Variants in HYDIN observed in about 807,000 individuals in gnomAD.
HYDIN encodes axonemal central pair apparatus protein HYDIN.
Under a neutral mutation model 403.9 loss-of-function variants are expected in HYDIN, and 132 were observed. The ratio of observed to expected loss-of-function variants is 0.33; its 90% CI spans 0.28 to 0.38. HYDIN has a LOEUF of 0.38. Among genes scored for constraint, HYDIN ranks in the 10% least tolerant of loss-of-function variants. The probability of loss-of-function intolerance (pLI) is 1.00; values close to 1 mark genes in which losing one functional copy is unlikely to be tolerated. For missense variants in HYDIN, 2,827 were observed against 5,009.5 expected (o/e 0.56, Z 13.15); for synonymous variants, 1,202 against 1,891.7 (o/e 0.64, Z 9.46).
chr16:71,206,049 C>T (rs2088280451), intron 1 of HYDIN, among the ~76,000 whole-genome samples: 1 of 152,182 alleles, frequency 6.6e-6, no homozygotes, highest in South Asian at 2.1e-4. Flanking sequence ...TTTGGAAACA[C>T]CCAGACAGTA....
intron 1 of HYDIN, among the ~76,000 whole-genome samples, chr16:71,229,845 C>T (rs59334683): frequency 0.039 from 5,968 of 152,194 alleles, 434 homozygotes; most frequent in African/African-American, 0.14. Flanking sequence ...TTGGCTGTGT[C>T]CCCACCCAAA....
rs1009267195 is a variant in HYDIN, at chr16:71,205,525, A to G, written c.-23-18607T>C. 3.9e-5 allele frequency among the ~76,000 whole-genome samples: 6 copies of G among 152,222 alleles called. No homozygotes were observed. In the South Asian group the frequency reaches 1.0e-3, roughly 26 times the overall value. On this transcript the variant is annotated intron_variant, in intron 1 of 85. Coordinates refer to ENST00000393567, the MANE Select transcript of HYDIN (RefSeq NM_001270974.2). ...ATTCCGAGTCCAAGGGGACCCCCAC[A>G]AGCCTTGGGCCCCAGAGCAGACCAG... is the stretch of plus-strand genomic sequence containing the variant.
chr16:71,193,487 GCT>G (rs1025071291), intron 1 of HYDIN, among the ~76,000 whole-genome samples: 2 of 152,122 alleles, frequency 1.3e-5, no homozygotes, highest in African/African-American at 4.8e-5. Flanking sequence ...TGCCATTAAA[GCT>G]CTGTCTTTAT....
chr16:70,887,357 G>T (rs1346259786), intron 58 of HYDIN, among the ~76,000 whole-genome samples: 1 of 151,894 alleles, frequency 6.6e-6, no homozygotes, highest in East Asian at 1.9e-4. Context: ...AAGGAGATAT[G>T]ACTATGGAGG....
intron 45 of HYDIN, among the ~76,000 whole-genome samples, chr16:70,928,213 A>T (rs1171923897): frequency 1.3e-5 from 2 of 152,238 alleles, no homozygotes; most frequent in African/African-American, 2.4e-5. Context: ...AGAAGAGGGT[A>T]GCACTTTGGG....
At chr16:70,914,147 T>C (rs2076771565) in intron 47 of HYDIN, among the ~76,000 whole-genome samples, 1 of 152,168 alleles carries the variant, frequency 6.6e-6, no homozygotes, top group South Asian at 2.1e-4. Flanking sequence ...TGAGGTACCA[T>C]TCCATTAATT....
intron 22 of HYDIN, among the ~76,000 whole-genome samples, chr16:71,019,526 A>C (rs916330070): frequency 1.3e-5 from 2 of 152,308 alleles, no homozygotes. Flanking sequence ...GGGGCTGGGC[A>C]TAAGTTAGGA....
At chr16:70,922,803 T>C (rs77159302) in intron 45 of HYDIN, among the ~76,000 whole-genome samples, 2 of 151,120 alleles carry the variant, frequency 1.3e-5, no homozygotes, top group Admixed American at 1.3e-4. Context: ...TTTTTTTTTT[T>C]TTTAGACAAG....
Position 71,179,016 on chromosome 16 carries a change from A to G in HYDIN, c.293T>C (p.Phe98Ser), listed in dbSNP as rs1403821146. The change falls in exon 4 of 86, where the codon TTC (phenylalanine) becomes TCC (serine). Residue 98 changes from phenylalanine (F) to serine (S), a missense_variant. Physicochemically the swap from Phe to Ser is radical, Grantham distance 155. Transcript: ENST00000393567. The stretch of plus-strand genomic sequence containing the variant: ...TATAATTTCTGATGGAAAGGGCTGG[A>G]ATAATGCCTGATCCAGGTCAATTCC... ...FSGIDLDQALFQPFPSEIIFQ... is the reference protein window; with the variant it reads ...FSGIDLDQALSQPFPSEIIFQ... The G allele has an allele frequency of 6.2e-7, 1 of 1,612,328 alleles. No homozygotes were observed. The highest frequency in any genetic ancestry group is 2.2e-5 in the East Asian group (1 of 44,820).
Position 71,175,682 on chromosome 16 carries a change from G to C in HYDIN, c.441C>G (p.Pro147=). 1.2e-6 allele frequency: 2 copies of C among 1,614,082 alleles called. No individual in the cohort carries two copies. Among genetic ancestry groups the C allele is most frequent in the Non-Finnish European group, 1.7e-6 (2 of 1,179,924 alleles). ...ESSPYFKVIS[P]KDIGHKVAPG... is the part of the protein sequence containing the mutation. ...GAGCCACTTTGTGGCCAATATCTTTGGGGCTGATTACTTTAAAGTAAGGCG... is the reference window on the plus strand; with the variant it reads ...GAGCCACTTTGTGGCCAATATCTTTCGGGCTGATTACTTTAAAGTAAGGCG... Residue 147 remains proline, a synonymous_variant, in exon 5 of 86, where the codon CCC becomes CCG. Coordinates refer to ENST00000393567, the MANE Select transcript of HYDIN (RefSeq NM_001270974.2).
chr16:70,949,490 A>C (rs1367257794), intron 41 of HYDIN, among the ~76,000 whole-genome samples: 2 of 152,118 alleles, frequency 1.3e-5, no homozygotes, highest in Non-Finnish European at 2.9e-5. Flanking sequence ...AAACAAAAAA[A>C]CCCAAAAGAT....
At chr16:70,898,698 C>T (rs1168413133) in intron 53 of HYDIN, among the ~76,000 whole-genome samples, 1 of 151,874 alleles carries the variant, frequency 6.6e-6, no homozygotes, top group African/African-American at 2.4e-5. Flanking sequence ...TGGAAGCATT[C>T]AAAGAGAAGC....
chr16:70,892,041 T>C (rs1317411372), intron 56 of HYDIN, among the ~76,000 whole-genome samples, 157 bp from the exon 57 acceptor site: 1 of 152,050 alleles, frequency 6.6e-6, no homozygotes, highest in African/African-American at 2.4e-5. Flanking sequence ...GAGCTTACTG[T>C]GTACCAGCCA....
chr16:71,205,924 A>G (rs965518998), intron 1 of HYDIN, among the ~76,000 whole-genome samples: 1 of 152,198 alleles, frequency 6.6e-6, no homozygotes, highest in Non-Finnish European at 1.5e-5. Context: ...AGAGCAGAGC[A>G]TGTGACCCTA....
At chr16:71,009,483 G>C (rs1457324402) in intron 23 of HYDIN, among the ~76,000 whole-genome samples, 1 of 151,496 alleles carries the variant, frequency 6.6e-6, no homozygotes, top group African/African-American at 2.4e-5. Context: ...TTTAAAGAGA[G>C]TAAAGGGAGC....
At chr16:71,053,016 C>T (rs1219805268) in intron 18 of HYDIN, among the ~76,000 whole-genome samples, 5 of 151,372 alleles carry the variant, frequency 3.3e-5, no homozygotes, top group Admixed American at 6.6e-5. Context: ...GGCTAGTATC[C>T]ACAATATATA....
At chr16:70,852,799 T>C (rs1443158545) in intron 73 of HYDIN, 1 of 152,208 alleles carries the variant, frequency 6.6e-6, no homozygotes, top group Non-Finnish European at 1.5e-5. Flanking sequence ...CATGTAAAGA[T>C]GTCCGACATT....
intron 62 of HYDIN, among the ~76,000 whole-genome samples, chr16:70,877,842 C>T (rs1253410901): frequency 1.3e-5 from 2 of 152,120 alleles, no homozygotes; most frequent in Non-Finnish European, 2.9e-5. Context: ...AACCGGAATA[C>T]AGTGGAATAA....
At chr16:70,880,595 C>T (rs1426013101) in intron 60 of HYDIN, among the ~76,000 whole-genome samples, 1 of 152,212 alleles carries the variant, frequency 6.6e-6, no homozygotes, top group Non-Finnish European at 1.5e-5. Flanking sequence ...GTCTGATTCA[C>T]TGCAGTAAGC....
Sources: allele counts gnomAD v4.1 joint callset (sites outside exome capture counted in the v4.1 genomes callset), GRCh38; gene constraint gnomAD v4.1.1; transcripts MANE v1.5; gene names NCBI Gene and HGNC (gene_info 2026-07-23, HGNC 2026-07-21).